The following SLC24A2 variants were observed in gnomAD, a reference collection of about 807,000 sequenced individuals.
The protein encoded by SLC24A2 is solute carrier family 24 member 2, also known as sodium/potassium/calcium exchanger 2.
SLC24A2 carries 36 observed loss-of-function variants against 62.0 expected under a neutral mutation model. That is an observed-to-expected ratio of 0.58 (90% CI 0.44 to 0.77). The LOEUF is 0.77. Ranked by LOEUF, SLC24A2 falls within the 30% of genes least tolerant of loss-of-function variation. SLC24A2 has a pLI of 0.00. For missense variants in SLC24A2, 846 were observed against 817.9 expected, an observed-to-expected ratio of 1.03 and a Z score of -0.42; for synonymous variants, 358 against 294.0, an observed-to-expected ratio of 1.22 and a Z score of -2.23.
At chr9:19,549,096 T>C (rs1249981565) in intron 8 of SLC24A2, among the ~76,000 whole-genome samples, 1 of 152,202 alleles carries the variant, frequency 6.6e-6, no homozygotes, top group Non-Finnish European at 1.5e-5. Flanking sequence ...AATTTGCTGA[T>C]GTTGTTGCGT....
At chr9:20,190,709 C>G in the SLC24A2 span, among the ~76,000 whole-genome samples, 1 of 152,016 alleles carries the variant, frequency 6.6e-6, no homozygotes, top group African/African-American at 2.4e-5. Context: ...TAGTCATGAG[C>G]TTGAAATCTG....
the SLC24A2 span, among the ~76,000 whole-genome samples, chr9:20,009,002 G>GA: frequency 3.9e-5 from 6 of 152,120 alleles, no homozygotes; most frequent in Non-Finnish European, 7.4e-5. Context: ...CTGCAGAACT[G>GA]AAAAAAGCTA....
the SLC24A2 span, among the ~76,000 whole-genome samples, chr9:20,148,311 A>G: frequency 1.3e-5 from 2 of 152,148 alleles, no homozygotes; most frequent in African/African-American, 4.8e-5. Context: ...TCTTGTATAA[A>G]ATAAAACTAA....
chr9:19,914,944 T>A, the SLC24A2 span, among the ~76,000 whole-genome samples: 32 of 151,958 alleles, frequency 2.1e-4, no homozygotes, highest in Non-Finnish European at 4.3e-4. Flanking sequence ...TTTAATAATT[T>A]AAAAAAAAGA....
chr9:20,051,657 C>CTCTTTTTTTTTTTTTTT, the SLC24A2 span, among the ~76,000 whole-genome samples: 2 of 73,512 alleles, frequency 2.7e-5, no homozygotes, highest in Admixed American at 2.0e-4. Context: ...TTTTCTTTCT[C>CTCTTTTTTTTTTTTTTT]TTTTTTTTTT....
the SLC24A2 span, among the ~76,000 whole-genome samples, chr9:20,158,029 C>T: frequency 6.6e-6 from 1 of 151,504 alleles, no homozygotes; most frequent in Non-Finnish European, 1.5e-5. Flanking sequence ...AGAAGAAAAC[C>T]ATAACTAAAC....
At chr9:19,763,010 T>C (rs748598070) in intron 2 of SLC24A2, among the ~76,000 whole-genome samples, 5 of 152,186 alleles carry the variant, frequency 3.3e-5, no homozygotes, top group African/African-American at 4.8e-5. Context: ...CAGTGGTTTA[T>C]AGTTCTCCTT....
intron 2 of SLC24A2, among the ~76,000 whole-genome samples, chr9:19,728,425 T>C (rs754311391): frequency 3.3e-5 from 5 of 152,198 alleles, no homozygotes; most frequent in African/African-American, 7.2e-5. Context: ...GCTGTTCTTT[T>C]AATATACCGA....
the SLC24A2 span, among the ~76,000 whole-genome samples, chr9:19,925,559 T>C: frequency 6.6e-6 from 1 of 152,164 alleles, no homozygotes; most frequent in South Asian, 2.1e-4. Context: ...GTACCAAGAT[T>C]TGGTCACTGG....
the SLC24A2 span, among the ~76,000 whole-genome samples, chr9:19,943,416 G>T: frequency 6.6e-6 from 1 of 152,120 alleles, no homozygotes; most frequent in Non-Finnish European, 1.5e-5. Context: ...AGGGAAGTTG[G>T]AAGAGGAAGA....
At chr9:20,104,095 A>G in the SLC24A2 span, among the ~76,000 whole-genome samples, 2 of 152,222 alleles carry the variant, frequency 1.3e-5, no homozygotes, top group African/African-American at 4.8e-5. Context: ...AAGAAAGGGT[A>G]TCAGTGATGG....
chr9:20,091,081 T>C, the SLC24A2 span, among the ~76,000 whole-genome samples: 2 of 149,166 alleles, frequency 1.3e-5, no homozygotes, highest in Non-Finnish European at 1.5e-5. Flanking sequence ...AATAGCAGGA[T>C]AGACCAAGCT....
the SLC24A2 span, among the ~76,000 whole-genome samples, chr9:20,246,828 G>A: frequency 2.0e-5 from 3 of 152,156 alleles, no homozygotes; most frequent in Non-Finnish European, 4.4e-5. Context: ...CACCCATGAG[G>A]GTTCCTTGCA....
chr9:20,187,380 A>G, the SLC24A2 span, among the ~76,000 whole-genome samples: 2 of 151,992 alleles, frequency 1.3e-5, no homozygotes, highest in African/African-American at 4.8e-5. Flanking sequence ...CTCTGCCTTT[A>G]TTTTCTCCTT....
chr9:19,687,998 C>A (rs1209626014), intron 2 of SLC24A2, among the ~76,000 whole-genome samples: 1 of 151,952 alleles, frequency 6.6e-6, no homozygotes, highest in Non-Finnish European at 1.5e-5. Flanking sequence ...CTTCTTTTAC[C>A]ATTTCATTAA....
At chr9:19,695,825 A>C (rs1196260508) in intron 2 of SLC24A2, among the ~76,000 whole-genome samples, 1 of 152,164 alleles carries the variant, frequency 6.6e-6, no homozygotes, top group African/African-American at 2.4e-5. Flanking sequence ...CTCAATACAG[A>C]TACACTTCAT....
the SLC24A2 span, among the ~76,000 whole-genome samples, chr9:20,227,570 G>T: frequency 7.2e-6 from 1 of 139,202 alleles, no homozygotes; most frequent in Non-Finnish European, 1.5e-5. Context: ...GCAGAATGAA[G>T]ATGACTGGAG....
the SLC24A2 span, among the ~76,000 whole-genome samples, chr9:20,239,074 T>G: frequency 6.6e-6 from 1 of 152,194 alleles, no homozygotes; most frequent in Non-Finnish European, 1.5e-5. Context: ...AAATTTCTCT[T>G]CTTTAAGCCA....
the SLC24A2 span, among the ~76,000 whole-genome samples, chr9:20,053,347 G>A: frequency 1.3e-5 from 2 of 152,134 alleles, no homozygotes; most frequent in Non-Finnish European, 2.9e-5. Flanking sequence ...CAATAGAGGG[G>A]CATAAAACAA....
Sources: gnomAD v4.1 joint callset for allele counts (sites outside exome capture counted in the v4.1 genomes callset) on GRCh38, gnomAD v4.1.1 for gene constraint, MANE v1.5 for transcripts, NCBI Gene and HGNC (gene_info 2026-07-23, HGNC 2026-07-21) for gene names.